The following CAPZB variants were observed in gnomAD, a reference collection of about 807,000 sequenced individuals.
CAPZB encodes capping actin protein of muscle Z-line subunit beta.
Under a neutral mutation model 38.1 loss-of-function variants are expected in CAPZB, and 2 were observed. That is an observed-to-expected ratio of 0.05 (90% CI 0.02 to 0.17). The LOEUF (loss-of-function observed/expected upper bound fraction) is 0.17, where lower values mean the gene tolerates loss of function less well. CAPZB is among the 10% of genes least tolerant of loss of function. CAPZB has a pLI of 1.00. For synonymous variants in CAPZB, 107 were observed against 127.4 expected (o/e 0.84, Z 1.08); for missense variants, 161 against 334.2 (o/e 0.48, Z 4.04).
At chr1:19,469,456 C>T (rs537220947) in intron 1 of CAPZB, among the ~76,000 whole-genome samples, 1 of 152,078 alleles carries the variant, frequency 6.6e-6, no homozygotes, top group Non-Finnish European at 1.5e-5. Context: ...GAGATTAATA[C>T]AGCAAAAACC....
At chr1:19,481,758 A>G (rs2094629603) in intron 1 of CAPZB, among the ~76,000 whole-genome samples, 1 of 152,196 alleles carries the variant, frequency 6.6e-6, no homozygotes, top group Non-Finnish European at 1.5e-5. Context: ...AAGGCCTGGG[A>G]GTGGAGCCTG....
At chr1:19,375,023 A>G (rs1190257197) in intron 4 of CAPZB, among the ~76,000 whole-genome samples, 1 of 152,184 alleles carries the variant, frequency 6.6e-6, no homozygotes, top group Non-Finnish European at 1.5e-5. Context: ...AAGGCCACCC[A>G]GCTGACTCCC....
At chr1:19,367,215 T>C (rs2094093846) in intron 4 of CAPZB, among the ~76,000 whole-genome samples, 2 of 152,370 alleles carry the variant, frequency 1.3e-5, no homozygotes, top group Admixed American at 1.3e-4. Context: ...ACACTGGTTA[T>C]ACCAGCCTGC....
chr1:19,354,853 G>C (rs1380489249), intron 6 of CAPZB, among the ~76,000 whole-genome samples: 1 of 152,216 alleles, frequency 6.6e-6, no homozygotes, highest in Non-Finnish European at 1.5e-5. Flanking sequence ...CAGGATGTGG[G>C]AGAGTCAGGC....
chr1:19,366,130 G>C (rs1192427501), intron 4 of CAPZB, among the ~76,000 whole-genome samples: 2 of 151,542 alleles, frequency 1.3e-5, no homozygotes, highest in African/African-American at 4.9e-5. Flanking sequence ...TCACCAAGGA[G>C]TAGCAGCAAG....
chr1:19,342,473 G>A (rs1389599718), intron 8 of CAPZB, among the ~76,000 whole-genome samples: 3 of 152,216 alleles, frequency 2.0e-5, no homozygotes, highest in African/African-American at 4.8e-5. Context: ...GGCAGCATCC[G>A]TCCCTTGGCC....
chr1:19,446,922 GATCC>G (rs2094497880), intron 1 of CAPZB, among the ~76,000 whole-genome samples: 1 of 152,100 alleles, frequency 6.6e-6, no homozygotes, highest in Non-Finnish European at 1.5e-5. Flanking sequence ...AAAAATCCGT[GATCC>G]ATCACGCCAA....
chr1:19,445,183 G>A (rs1023477276), intron 1 of CAPZB, among the ~76,000 whole-genome samples: 3 of 152,118 alleles, frequency 2.0e-5, no homozygotes, highest in East Asian at 1.9e-4. Context: ...AGCACTGTAC[G>A]ATCACTAACA....
intron 1 of CAPZB, among the ~76,000 whole-genome samples, chr1:19,468,483 G>A (rs2094575631): frequency 6.6e-6 from 1 of 152,178 alleles, no homozygotes; most frequent in African/African-American, 2.4e-5. Context: ...CTCAGGGAAT[G>A]ATGATACACA....
At chr1:19,398,234 C>G (rs534333493) in intron 2 of CAPZB, among the ~76,000 whole-genome samples, 8 of 97,918 alleles carry the variant, frequency 8.2e-5, no homozygotes, top group African/African-American at 1.8e-4. Context: ...TCCTGCCACA[C>G]CTGCTCAGTC....
rs140817425 is a variant in CAPZB, at chr1:19,412,915, C to T, written c.93+6746G>A. Among the ~76,000 whole-genome samples the T allele has an allele frequency of 3.8e-3, 573 of 152,334 alleles. 4 individuals carry two copies. The highest frequency in any genetic ancestry group is 6.6e-3 in the Non-Finnish European group (450 of 68,020). On this transcript the variant is annotated intron_variant, in intron 2 of 8. Coordinates refer to ENST00000264202, the MANE Select transcript of CAPZB (RefSeq NM_004930.5). ...ACAGATGTACAGCGTGCAAAGCTGACCACAGCCAGGTCCTCCTTCCAGAAA... is the reference window on the plus strand; with the variant it reads ...ACAGATGTACAGCGTGCAAAGCTGATCACAGCCAGGTCCTCCTTCCAGAAA...
rs530378097 is a variant in CAPZB, at chr1:19,461,112, G to A, written c.3+24324C>T. On this transcript the variant is annotated intron_variant, in intron 1 of 8. Transcript: ENST00000264202. ...GGGCGGGGGCGGGGGGGGGAGGGGC[G>A]GGTTCCAGCACAGCACGTGGCTCAT... Among the ~76,000 whole-genome samples the A allele has an allele frequency of 1.1e-4, 17 of 151,388 alleles. No homozygotes were observed. The South Asian group carries it at 2.7e-3, about 24-fold the overall frequency.
At chr1:19,457,672 AT>A (rs1221836165) in intron 1 of CAPZB, among the ~76,000 whole-genome samples, 1 of 152,226 alleles carries the variant, frequency 6.6e-6, no homozygotes, top group African/African-American at 2.4e-5. Flanking sequence ...CAAAGAAGCA[AT>A]AACCTGATGC....
At chr1:19,358,512 G>A (rs1406583533) in intron 4 of CAPZB, among the ~76,000 whole-genome samples, 1 of 152,206 alleles carries the variant, frequency 6.6e-6, no homozygotes, top group Non-Finnish European at 1.5e-5. Context: ...GAACGAAAAG[G>A]TTAGATGAGA....
chr1:19,482,857 C>T (rs938854987), intron 1 of CAPZB, among the ~76,000 whole-genome samples: 4 of 152,302 alleles, frequency 2.6e-5, no homozygotes, highest in Admixed American at 6.5e-5. Context: ...CCATCTACAC[C>T]GGCTTAATGG....
intron 6 of CAPZB, among the ~76,000 whole-genome samples, chr1:19,347,349 G>A (rs968811126): frequency 1.3e-5 from 2 of 152,130 alleles, no homozygotes; most frequent in Non-Finnish European, 2.9e-5. Context: ...TGCTGGGCTG[G>A]AAGAAAACAC....
At chr1:19,366,040 A>G (rs553983921) in intron 4 of CAPZB, among the ~76,000 whole-genome samples, 1 of 138,560 alleles carries the variant, frequency 7.2e-6, no homozygotes, top group South Asian at 2.4e-4. Flanking sequence ...AACAGCTCCA[A>G]CATGTAAGAT....
intron 1 of CAPZB, among the ~76,000 whole-genome samples, chr1:19,463,717 G>A (rs2094559860): frequency 6.6e-6 from 1 of 152,152 alleles, no homozygotes; most frequent in African/African-American, 2.4e-5. Context: ...TAGCTCCTGG[G>A]ACACTAGAAC....
Position 19,485,490 on chromosome 1 carries a change from C to G in CAPZB, c.-52G>C, listed in dbSNP as rs537868097. 6.7e-5 allele frequency: 82 copies of G among 1,227,076 alleles called. 1 individual carries two copies. The highest frequency in any genetic ancestry group is 5.6e-4 in the African/African-American group (36 of 64,172). The allele number at this position is 1,227,076 out of a possible 1,614,324, so 76.0% of individuals were successfully genotyped here. ...TCCCGGCGTCAGTGGCTCTCCCCCC[C>G]GCAGCAGGGCCCGGCGCTTCCACTT... On this transcript the variant is annotated 5_prime_UTR_variant, in exon 1 of 9. Transcript: ENST00000264202.
Sources: gnomAD v4.1 joint callset for allele counts (sites outside exome capture counted in the v4.1 genomes callset) on GRCh38, gnomAD v4.1.1 for gene constraint, MANE v1.5 for transcripts, NCBI Gene and HGNC (gene_info 2026-07-23, HGNC 2026-07-21) for gene names.